The following TECTA variants were observed in gnomAD, a reference collection of about 807,000 sequenced individuals.
TECTA encodes the protein alpha-tectorin.
TECTA carries 128 observed loss-of-function variants against 216.8 expected under a neutral mutation model. The ratio of observed to expected loss-of-function variants is 0.59; its 90% confidence interval spans 0.51 to 0.68. The LOEUF (loss-of-function observed/expected upper bound fraction) is 0.68, where lower values mean the gene tolerates loss of function less well. Ranked by LOEUF, TECTA falls within the 30% of genes least tolerant of loss-of-function variation. The pLI is 0.00. For missense variants in TECTA, 2,551 were observed against 2,786.2 expected (o/e 0.92, Z 1.90); for synonymous variants, 1,089 against 1,117.1 (o/e 0.97, Z 0.50).
intron 12 of TECTA, among the ~76,000 whole-genome samples, chr11:121,151,261 C>T (rs79022222): frequency 0.12 from 18,376 of 152,190 alleles, 1,519 homozygotes; most frequent in South Asian, 0.33. Flanking sequence ...AGCAACTTAG[C>T]GGCATTCATA....
Position 121,105,710 on chromosome 11 carries a change from A to G in TECTA, c.65-121A>G, listed in dbSNP as rs1449658127. The G allele has an allele frequency of 2.4e-6, 3 of 1,275,162 alleles. No homozygotes were observed. The Admixed American group carries it at 5.8e-5, about 25-fold the overall frequency. 79.0% of individuals were successfully genotyped at this position (1,275,162 alleles called of 1,614,324 possible). Reference sequence around the variant, plus strand: ...GGTTTAGGATGAATGACAGGGCAGTATGACTTGCATTCAGCTTGCAAGCCC... The same window carrying G: ...GGTTTAGGATGAATGACAGGGCAGTGTGACTTGCATTCAGCTTGCAAGCCC... On this transcript the variant is annotated intron_variant, in intron 2 of 23. Coordinates refer to ENST00000392793, the MANE Select transcript of TECTA (RefSeq NM_005422.4). This position sits in a 1 kb window ranked among gnomAD's most constrained non-coding sequence, Gnocchi z 5.3.
Position 121,178,517 on chromosome 11 carries a change from AGTGTGT to A in TECTA, c.6000-9275_6000-9270del, listed in dbSNP as rs3222565. Among the ~76,000 whole-genome samples the A allele has an allele frequency of 2.1e-3, 271 of 127,270 alleles. 1 individual carries two copies. The highest frequency in any genetic ancestry group is 0.02 in the Middle Eastern group (5 of 250). 83.5% of individuals were successfully genotyped at this position (127,270 alleles called of 152,430 possible). A position where few individuals can be genotyped will look rare whatever the true frequency, so the allele number is the denominator to read the frequency against. On this transcript the variant is annotated intron_variant, in intron 20 of 23. Transcript: ENST00000392793. ...TATGTTTAGATATTGGCTTGTAGTT[AGTGTGT>A]GTGTGTGTGTGTGTGTGTGTGTGTG...
intron 11 of TECTA, among the ~76,000 whole-genome samples, chr11:121,142,465 A>T (rs2155365): frequency 6.6e-6 from 1 of 151,920 alleles, no homozygotes; most frequent in African/African-American, 2.4e-5. Flanking sequence ...CTGTCTGAGT[A>T]GAGGGTGTTC....
intron 3 of TECTA, among the ~76,000 whole-genome samples, chr11:121,107,400 G>T (rs1165985811): frequency 1.3e-5 from 2 of 152,266 alleles, no homozygotes; most frequent in South Asian, 4.1e-4. Context: ...TTTTCTTCAA[G>T]CCTCTAGGAT....
chr11:121,158,666 A>G (rs1462479217), intron 14 of TECTA, among the ~76,000 whole-genome samples: 1 of 152,060 alleles, frequency 6.6e-6, no homozygotes, highest in East Asian at 1.9e-4. Flanking sequence ...GCACTTGCCT[A>G]AAAAACACCA....
chr11:121,144,252 T>C (rs1391944346), intron 11 of TECTA, among the ~76,000 whole-genome samples: 4 of 152,178 alleles, frequency 2.6e-5, no homozygotes, highest in African/African-American at 7.2e-5. Context: ...ACTCAAGCCC[T>C]GGAGAGGGCT....
chr11:121,166,965 G>T (rs1176656611), intron 18 of TECTA, among the ~76,000 whole-genome samples, 185 bp downstream of exon 18: 1 of 152,244 alleles, frequency 6.6e-6, no homozygotes, highest in Non-Finnish European at 1.5e-5. Flanking sequence ...CTAAGTGATT[G>T]ACGGAGTTGA....
At chr11:121,171,417 T>C (rs1024034523) in intron 20 of TECTA, among the ~76,000 whole-genome samples, 1 of 152,178 alleles carries the variant, frequency 6.6e-6, no homozygotes, top group Non-Finnish European at 1.5e-5. Context: ...GGGTCTATTG[T>C]GGCTTTATAC....
At chr11:121,164,283 T>A (rs576271) in intron 16 of TECTA, among the ~76,000 whole-genome samples, 63,512 of 152,042 alleles carry the variant, frequency 0.42, 14,529 homozygotes, top group African/African-American at 0.61. Context: ...TTGAATTTAT[T>A]CCTCTTGTCT....
At chr11:121,135,472 T>G (rs1163283808) in intron 10 of TECTA, among the ~76,000 whole-genome samples, 3 of 152,240 alleles carry the variant, frequency 2.0e-5, no homozygotes, top group African/African-American at 7.2e-5. Context: ...ACATTCATAA[T>G]TTAAAGACAA....
intron 12 of TECTA, among the ~76,000 whole-genome samples, chr11:121,148,526 A>T (rs1426001993): frequency 1.3e-5 from 2 of 152,208 alleles, no homozygotes; most frequent in Non-Finnish European, 2.9e-5. Context: ...ACTGAGTCCT[A>T]ACTCAGCCAT....
intron 20 of TECTA, among the ~76,000 whole-genome samples, chr11:121,186,419 G>T (rs1284345725): frequency 6.6e-6 from 1 of 152,200 alleles, no homozygotes; most frequent in African/African-American, 2.4e-5. Context: ...CTCTAAGAAA[G>T]CCAGCCAGAT....
intron 20 of TECTA, among the ~76,000 whole-genome samples, chr11:121,178,613 G>C (rs12799860): frequency 0.01 from 1,570 of 151,194 alleles, 10 homozygotes; most frequent in Non-Finnish European, 0.016. Flanking sequence ...TGTAGAATGA[G>C]CTAGGAAGAA....
intron 20 of TECTA, among the ~76,000 whole-genome samples, chr11:121,180,047 G>T (rs939767329): frequency 1.3e-5 from 2 of 150,978 alleles, no homozygotes; most frequent in Non-Finnish European, 3.0e-5. Context: ...TATATTCAAG[G>T]TTATTATTGA....
In TECTA at chr11:121,113,424, C is replaced by T; in HGVS notation, c.625-129C>T. The T allele has an allele frequency of 2.8e-6, 4 of 1,448,924 alleles. No homozygotes were observed. The highest frequency in any genetic ancestry group is 3.9e-6 in the Non-Finnish European group (4 of 1,037,130). 89.8% of individuals were successfully genotyped at this position (1,448,924 alleles called of 1,614,324 possible). On this transcript the variant is annotated intron_variant, in intron 5 of 23. Transcript: ENST00000392793. The surrounding 1 kb of genome is among the most constrained non-coding windows in gnomAD (Gnocchi z 4.2). ...AGTCCTTTCTCACCTAGAATGCTGGCCCCAGTGACTCCAGGAAAAGACGGC... is the reference window on the plus strand; with the variant it reads ...AGTCCTTTCTCACCTAGAATGCTGGTCCCAGTGACTCCAGGAAAAGACGGC...
intron 20 of TECTA, among the ~76,000 whole-genome samples, chr11:121,187,189 T>C (rs1161131854): frequency 6.6e-6 from 1 of 152,194 alleles, no homozygotes; most frequent in Non-Finnish European, 1.5e-5. Context: ...CACAGGACTA[T>C]AGGAGACTCT....
At position 121,162,063 on chromosome 11, in the gene TECTA, C is replaced by G; in HGVS notation, c.4977-12C>G. The G allele has an allele frequency of 6.2e-7, 1 of 1,613,600 alleles. No homozygotes were observed. The highest frequency in any genetic ancestry group is 2.2e-5 in the East Asian group (1 of 44,884). On this transcript the variant is annotated splice_polypyrimidine_tract_variant and intron_variant, in intron 15 of 23. Transcript: ENST00000392793. The stretch of plus-strand genomic sequence containing the variant: ...CTCAGATGGCTGTTTTTGCTTCACT[C>G]AGTCTGACCAGACCTCTTGCCCCCA...
intron 16 of TECTA, among the ~76,000 whole-genome samples, chr11:121,163,854 A>C (rs1334989375): frequency 6.6e-6 from 1 of 152,228 alleles, no homozygotes; most frequent in Non-Finnish European, 1.5e-5. Flanking sequence ...GAGGTGGTGA[A>C]TCATAACTTT....
Position 121,168,941 on chromosome 11 carries a change from A to G in TECTA, c.5999+16A>G. The G allele has an allele frequency of 6.2e-7, 1 of 1,614,082 alleles. No individual in the cohort carries two copies. Among genetic ancestry groups the G allele is most frequent in the East Asian group, 2.2e-5 (1 of 44,892 alleles). On this transcript the variant is annotated intron_variant, in intron 20 of 23. Transcript: ENST00000392793. ...TTGAAGGAGGGTGAGTAGCCTCTTT[A>G]TAGACAACATTCTCAGAGCTTCAGG...
Sources: allele counts gnomAD v4.1 joint callset (sites outside exome capture counted in the v4.1 genomes callset), GRCh38; gene constraint gnomAD v4.1.1; non-coding constraint Gnocchi (gnomAD v3.1); transcripts MANE v1.5; gene names NCBI Gene and HGNC (gene_info 2026-07-23, HGNC 2026-07-21).